The following VASP variants were observed in gnomAD, a reference collection of about 807,000 sequenced individuals.
VASP encodes vasodilator stimulated phosphoprotein.
Under a neutral mutation model 54.4 loss-of-function variants are expected in VASP, and 27 were observed. That is an observed-to-expected ratio of 0.50 (90% CI 0.37 to 0.68). The LOEUF is 0.68. VASP is among the 30% of genes least tolerant of loss of function. The probability of loss-of-function intolerance (pLI) is 0.00; values close to 1 mark genes in which losing one functional copy is unlikely to be tolerated. For synonymous variants in VASP, 233 were observed against 209.8 expected, an observed-to-expected ratio of 1.11 and a Z score of -0.96; for missense variants, 488 against 528.3, an observed-to-expected ratio of 0.92 and a Z score of 0.75.
Position 45,519,436 on chromosome 19 carries a change from G to A in VASP, c.343+1342G>A, listed in dbSNP as rs1599935038. Among the ~76,000 whole-genome samples, 3 of 151,812 alleles carry A rather than the reference G, an allele frequency of 2.0e-5. No individual in the cohort carries two copies. In the South Asian group the frequency reaches 6.2e-4, roughly 32 times the overall value. On this transcript the variant is annotated intron_variant, in intron 3 of 12. Transcript: ENST00000245932. ...TGGGATTATAAGTGTGAGCCACCAT[G>A]TCTGGCCACCTGGATCATTTCAAAT...
At chr19:45,508,514 C>T (rs1284494021) in intron 1 of VASP, among the ~76,000 whole-genome samples, 1 of 152,168 alleles carries the variant, frequency 6.6e-6, no homozygotes, top group African/African-American at 2.4e-5. Context: ...TAAGGGCGGC[C>T]CGGCTCCCCC....
chr19:45,514,389 T>C lies in VASP; in HGVS notation c.6-3274T>C, dbSNP rs536285880. On this transcript the variant is annotated intron_variant, in intron 1 of 12. Transcript: ENST00000245932. The stretch of plus-strand genomic sequence containing the variant: ...CCCACCTTGTAGGTTTTTGTTAGTT[T>C]GTTTTGTTTTTTAGAGATGGGGGGT... 7.5e-5 allele frequency among the ~76,000 whole-genome samples: 8 copies of C among 106,988 alleles called. No individual in the cohort carries two copies. The East Asian group carries it at 3.6e-3, about 48-fold the overall frequency. 70.2% of individuals were successfully genotyped at this position (106,988 alleles called of 152,430 possible).
At position 45,524,100 on chromosome 19, in the gene VASP, CTG is replaced by C; in HGVS notation, c.917_918del (p.Val306AlafsTer34). ...CTGATTTCTTGCCTATCCCCAGAAT[CTG>C]TGCGGAGACCCTGGGAGAAGAACAG... On this transcript the variant is annotated frameshift_variant, in exon 10 of 13. Transcript: ENST00000245932. LOFTEE classifies it high-confidence loss of function. 1.9e-6 allele frequency: 3 copies of C among 1,614,064 alleles called. No individual in the cohort carries two copies. Among genetic ancestry groups the C allele is most frequent in the Non-Finnish European group, 2.5e-6 (3 of 1,180,024 alleles).
chr19:45,510,924 C>A (rs1968588274), intron 1 of VASP, among the ~76,000 whole-genome samples: 2 of 131,408 alleles, frequency 1.5e-5, no homozygotes, highest in East Asian at 2.3e-4. Flanking sequence ...CAAAGTGAGA[C>A]CCTGTCTCAA....
chr19:45,524,190 C>A (rs375577341), intron 10 of VASP, 48 bp downstream of exon 10: 7 of 1,608,518 alleles, frequency 4.4e-6, no homozygotes, highest in Non-Finnish European at 5.9e-6. Flanking sequence ...GCGGGCAGAT[C>A]GCTTGAGCCC....
intron 4 of VASP, 71 bp downstream of exon 4, chr19:45,521,477 C>CT (rs1238807500): frequency 7.4e-7 from 1 of 1,359,024 alleles, no homozygotes; most frequent in Non-Finnish European, 9.8e-7. Context: ...CCCTTGACTC[C>CT]TAGAGTTCAG....
Position 45,526,166 on chromosome 19 carries a change from G to A in VASP, c.1132G>A (p.Gly378Ser), listed in dbSNP as rs776564384. The stretch of plus-strand genomic sequence containing the variant: ...CTTCGTCCAGGAGCTGAGGAAGCGG[G>A]GTTCTCCCTGACCACAGGGACCCAG... ...EAFVQELRKR[G>S]SP The change falls in exon 13 of 13, where the codon GGT (glycine) becomes AGT (serine). Residue 378 changes from glycine (G) to serine (S), a missense_variant. Gly to Ser is a moderately conservative substitution (Grantham distance 56, BLOSUM62 0). Transcript: ENST00000245932. The A allele has an allele frequency of 5.0e-6, 8 of 1,612,816 alleles. No homozygotes were observed. Among genetic ancestry groups the A allele is most frequent in the Non-Finnish European group, 6.8e-6 (8 of 1,179,752 alleles).
chr19:45,508,305 T>C (rs925941602), intron 1 of VASP, among the ~76,000 whole-genome samples: 2 of 152,254 alleles, frequency 1.3e-5, no homozygotes, highest in African/African-American at 4.8e-5. Flanking sequence ...GGGTACTTCT[T>C]AATCCCCTGG....
intron 1 of VASP, among the ~76,000 whole-genome samples, chr19:45,510,642 C>T (rs926432968): frequency 2.6e-5 from 4 of 152,104 alleles, no homozygotes; most frequent in African/African-American, 4.8e-5. Flanking sequence ...GCCTATTAAA[C>T]TCAAACAGGG....
At chr19:45,523,060 T>G (rs1224079343) in intron 7 of VASP, among the ~76,000 whole-genome samples, 1 of 152,066 alleles carries the variant, frequency 6.6e-6, no homozygotes, top group Non-Finnish European at 1.5e-5. Flanking sequence ...GCCTCAGAAT[T>G]CTGGGAACTC....
chr19:45,519,966 G>A (rs921702613), intron 3 of VASP, among the ~76,000 whole-genome samples: 1 of 137,680 alleles, frequency 7.3e-6, no homozygotes, highest in Non-Finnish European at 1.5e-5. Context: ...GTGCAGTGGT[G>A]TGATCTCAGT....
intron 11 of VASP, 30 bp downstream of exon 11, chr19:45,524,690 G>A (rs763716549): frequency 6.2e-7 from 1 of 1,603,858 alleles, no homozygotes; most frequent in Non-Finnish European, 8.5e-7. Flanking sequence ...GGGGACCACA[G>A]CAAGAGAGAT....
At chr19:45,525,741 T>G (rs945043666) in intron 11 of VASP, 69 of 493,568 alleles carry the variant, frequency 1.4e-4, no homozygotes, top group Non-Finnish European at 3.6e-6. Flanking sequence ...TGGCGGCAGG[T>G]GACTGTGGTC....
Position 45,517,741 on chromosome 19 carries a change from G to C in VASP, c.84G>C (p.Thr28=), listed in dbSNP as rs373932046. The C allele has an allele frequency of 4.3e-6, 7 of 1,613,364 alleles. No homozygotes were observed. In the South Asian group the frequency reaches 7.7e-5, roughly 18 times the overall value. Residue 28 remains threonine (T), a synonymous_variant, in exon 2 of 13, where the codon ACG becomes ACC. Transcript: ENST00000245932. ...DGNKRWLPAG[T]GPQAFSRVQI... ...ACAAGCGATGGCTCCCTGCTGGCAC[G>C]GGTCCCCAGGCCTTCAGCCGCGTCC...
In VASP at chr19:45,523,883, T is replaced by C. The variant is rs907852227; in HGVS notation, c.910+6T>C. 1.9e-6 allele frequency: 3 copies of C among 1,613,176 alleles called. No individual in the cohort carries two copies. In the African/African-American group the frequency reaches 4.0e-5, roughly 22 times the overall value. ...CAGAGTCCCGGCCCAGAGTGGTGAG[T>C]AGAGTGCCCAGTCCAGCCACAGGAA... On this transcript the variant is annotated splice_donor_region_variant and intron_variant, in intron 9 of 12. Transcript: ENST00000245932.
chr19:45,517,493 C>G (rs569665152), intron 1 of VASP, among the ~76,000 whole-genome samples, 170 bp from the exon 2 acceptor site: 26 of 152,054 alleles, frequency 1.7e-4, no homozygotes, highest in Non-Finnish European at 2.9e-4. Flanking sequence ...CTCTCCTGAT[C>G]TGATTTTCTC....
chr19:45,525,436 C>T (rs1968939774), intron 11 of VASP, among the ~76,000 whole-genome samples: 1 of 152,086 alleles, frequency 6.6e-6, no homozygotes, highest in African/African-American at 2.4e-5. Flanking sequence ...TGGTGGCTCA[C>T]AGCCATAATC....
intron 10 of VASP, chr19:45,524,365 A>G: frequency 1.5e-6 from 1 of 665,732 alleles, no homozygotes; most frequent in East Asian, 2.7e-5. Context: ...TCATGCCTGC[A>G]CTCCAGCCTG....
At chr19:45,524,269 GCACT>G (rs1388298931) in intron 10 of VASP, 127 bp downstream of exon 10, 2 of 1,089,812 alleles carry the variant, frequency 1.8e-6, no homozygotes, top group African/African-American at 3.1e-5. Flanking sequence ...AGGCGTGGTA[GCACT>G]TACCTGTGGT....
Sources: allele counts gnomAD v4.1 joint callset (sites outside exome capture counted in the v4.1 genomes callset), GRCh38; gene constraint gnomAD v4.1.1; transcripts MANE v1.5; gene names NCBI Gene and HGNC (gene_info 2026-07-23, HGNC 2026-07-21).